PIGB: variants seen among roughly 807,000 people sequenced by gnomAD.
PIGB encodes the protein GPI alpha-1,2-mannosyltransferase 3.
PIGB carries 58 observed loss-of-function variants against 68.4 expected under a neutral mutation model. The observed-to-expected ratio is 0.85, with a 90% CI of 0.69 to 1.06. PIGB has a LOEUF of 1.06. Ranked by LOEUF, PIGB falls within the 50% of genes least tolerant of loss-of-function variation. The pLI is 0.00. For synonymous variants in PIGB, 219 were observed against 220.5 expected (o/e 0.99, Z 0.06); for missense variants, 634 against 655.8 (o/e 0.97, Z 0.36).
At chr15:55,339,384 G>A in intron 7 of PIGB, 66 bp downstream of exon 7, 2 of 1,031,794 alleles carry the variant, frequency 1.9e-6, no homozygotes, top group East Asian at 2.6e-5. Context: ...TTAGAACAGA[G>A]GCAAATGATT....
intron 7 of PIGB, 67 bp from the exon 8 acceptor site, chr15:55,340,545 C>T: frequency 7.3e-6 from 7 of 962,216 alleles, no homozygotes; most frequent in Non-Finnish European, 7.9e-6. Context: ...TGTATCAATC[C>T]CCTAATGCCA....
chr15:55,330,392 G>A (rs10851588), intron 5 of PIGB, among the ~76,000 whole-genome samples: 48,771 of 152,066 alleles, frequency 0.32, 8,667 homozygotes, highest in East Asian at 0.56. Context: ...ATAAAGGCTG[G>A]AGGAGAAGAG....
intron 9 of PIGB, chr15:55,343,650 T>C (rs907009336): frequency 6.6e-6 from 1 of 152,160 alleles, no homozygotes; most frequent in African/African-American, 2.4e-5. Flanking sequence ...TCACAGTTTA[T>C]TGAGATAAAA....
intron 3 of PIGB, among the ~76,000 whole-genome samples, chr15:55,321,962 G>C (rs916496348): frequency 1.4e-5 from 2 of 147,668 alleles, no homozygotes; most frequent in East Asian, 4.4e-4. Flanking sequence ...ATCACCTGAG[G>C]TTGGGAGTTC....
chr15:55,354,884 T>G lies in PIGB; in HGVS notation c.1424T>G (p.Val475Gly). ...GKSHYLDEAD[V>G]FYLNPLNWLH... Reference sequence around the variant, plus strand: ...AGTCATTATCTTGATGAAGCAGATGTATTTTACCTAAATCCCTTAAACTGG... The same window carrying G: ...AGTCATTATCTTGATGAAGCAGATGGATTTTACCTAAATCCCTTAAACTGG... Residue 475 changes from valine to glycine, a missense_variant, in exon 11 of 12, where the codon GTA becomes GGA. Val to Gly is a moderately radical substitution (Grantham distance 109). Coordinates refer to ENST00000164305, the MANE Select transcript of PIGB (RefSeq NM_004855.5). The G allele has an allele frequency of 1.9e-6, 3 of 1,613,648 alleles. No individual in the cohort carries two copies. Among genetic ancestry groups the G allele is most frequent in the Non-Finnish European group, 8.5e-7 (1 of 1,179,674 alleles).
chr15:55,340,500 G>T, intron 7 of PIGB, 112 bp from the exon 8 acceptor site: 1 of 627,586 alleles, frequency 1.6e-6, no homozygotes, highest in Non-Finnish European at 2.7e-6. Flanking sequence ...CTATTGCCTG[G>T]TTTTTAGACT....
At chr15:55,320,795 G>T (rs559122421) in intron 2 of PIGB, among the ~76,000 whole-genome samples, 1 of 152,114 alleles carries the variant, frequency 6.6e-6, no homozygotes, top group Non-Finnish European at 1.5e-5. Flanking sequence ...CCACAGATAA[G>T]GGGGGACTAC....
chr15:55,338,776 C>G (rs369728493), intron 6 of PIGB, among the ~76,000 whole-genome samples: 1 of 152,152 alleles, frequency 6.6e-6, no homozygotes, highest in South Asian at 2.1e-4. Context: ...TTTAAGGAAA[C>G]GGCCATATGT....
intron 4 of PIGB, among the ~76,000 whole-genome samples, chr15:55,329,496 A>G (rs2055365583): frequency 6.6e-6 from 1 of 152,226 alleles, no homozygotes; most frequent in African/African-American, 2.4e-5. Flanking sequence ...AATGCACCTG[A>G]AAGTATAAAC....
At chr15:55,330,900 T>C (rs775936966) in intron 5 of PIGB, among the ~76,000 whole-genome samples, 8 of 152,208 alleles carry the variant, frequency 5.3e-5, no homozygotes, top group Non-Finnish European at 8.8e-5. Flanking sequence ...GTTACGTATA[T>C]GATGAGGACT....
At chr15:55,327,275 C>CAT (rs952298723) in intron 3 of PIGB, among the ~76,000 whole-genome samples, 4 of 147,202 alleles carry the variant, frequency 2.7e-5, no homozygotes, top group African/African-American at 1.0e-4. Flanking sequence ...GTATATATGT[C>CAT]ATATATACAC....
chr15:55,338,034 T>C (rs1460622788), intron 6 of PIGB, among the ~76,000 whole-genome samples: 1 of 152,174 alleles, frequency 6.6e-6, no homozygotes. Context: ...TGGGTTACTT[T>C]TGGGGAGGAG....
intron 1 of PIGB, chr15:55,319,754 G>A (rs928910908): frequency 9.6e-6 from 2 of 208,320 alleles, no homozygotes; most frequent in Admixed American, 1.1e-4. Context: ...GCCTCAATTT[G>A]CTCGTCTGTA....
intron 9 of PIGB, chr15:55,350,187 C>T (rs1379868978): frequency 6.5e-6 from 1 of 153,156 alleles, no homozygotes; most frequent in African/African-American, 2.4e-5. Context: ...CACTCATATA[C>T]TTACGGAAAA....
intron 10 of PIGB, among the ~76,000 whole-genome samples, chr15:55,354,174 C>T (rs1250452795): frequency 2.0e-5 from 3 of 151,432 alleles, no homozygotes; most frequent in Non-Finnish European, 4.4e-5. Context: ...ATCAGCCAGG[C>T]GTGGTTGGCG....
In PIGB at chr15:55,355,286, G is replaced by T; in HGVS notation, c.1519G>T (p.Glu507Ter). 6.2e-7 allele frequency: 1 copy of T among 1,602,474 alleles called. No individual in the cohort carries two copies. The highest frequency in any genetic ancestry group is 1.7e-5 in the Admixed American group (1 of 58,182). The change falls in exon 12 of 12, where the codon GAA (glutamate) becomes TAA (stop). Residue 507 changes from glutamate to a stop codon, truncating the protein, a stop_gained and splice_region_variant. Transcript: ENST00000164305. LOFTEE classifies it high-confidence loss of function. Reference protein sequence around the residue: ...HLITFSILEEEISAFLISSNY... With the variant: ...HLITFSILEE Reference sequence around the variant, plus strand: ...TACTTAAACATTTATTTGCTTCTAGGAAATAAGCGCTTTCCTAATTTCAAG... The same window carrying T: ...TACTTAAACATTTATTTGCTTCTAGTAAATAAGCGCTTTCCTAATTTCAAG...
chr15:55,355,488 A>G lies in PIGB; in HGVS notation c.*56A>G. Reference sequence around the variant, plus strand: ...GGAAATATTCAGATGCTGCTTAAATACTTCGGTAAACACTGGGTAAGATTC... The same window carrying G: ...GGAAATATTCAGATGCTGCTTAAATGCTTCGGTAAACACTGGGTAAGATTC... On this transcript the variant is annotated 3_prime_UTR_variant, in exon 12 of 12. Transcript: ENST00000164305. 1 of 1,387,692 alleles carries G rather than the reference A, an allele frequency of 7.2e-7. No individual in the cohort carries two copies. The highest frequency in any genetic ancestry group is 1.0e-6 in the Non-Finnish European group (1 of 999,630). The allele number at this position is 1,387,692 out of a possible 1,614,324, so 86.0% of individuals were successfully genotyped here. A position where few individuals can be genotyped will look rare whatever the true frequency, so the allele number is the denominator to read the frequency against.
At chr15:55,355,148 A>T in intron 11 of PIGB, 138 bp from the exon 12 acceptor site, 1 of 882,562 alleles carries the variant, frequency 1.1e-6, no homozygotes, top group South Asian at 1.8e-5. Context: ...CTATCAAAGT[A>T]TTTTACTTCC....
chr15:55,324,913 C>A lies in PIGB; in HGVS notation c.418-2618C>A, dbSNP rs148820934. The A allele has an allele frequency of 7.5e-4, 400 of 533,516 alleles. 3 individuals carry two copies. In the African/African-American group the frequency reaches 7.9e-3, roughly 11 times the overall value. The allele number at this position is 533,516 out of a possible 1,614,324, so 33.0% of individuals were successfully genotyped here. A position where few individuals can be genotyped will look rare whatever the true frequency, so the allele number is the denominator to read the frequency against. On this transcript the variant is annotated intron_variant, in intron 3 of 11. Transcript: ENST00000164305. The stretch of plus-strand genomic sequence containing the variant: ...TTAAGTACTGGGTACCTTTAACTTT[C>A]CAATTTTAGCATTTATTTACACATT...
Sources: gnomAD v4.1 joint callset for allele counts (sites outside exome capture counted in the v4.1 genomes callset) on GRCh38, gnomAD v4.1.1 for gene constraint, MANE v1.5 for transcripts, NCBI Gene and HGNC (gene_info 2026-07-23, HGNC 2026-07-21) for gene names.